SLC2A9: variants seen among roughly 807,000 people sequenced by gnomAD.
SLC2A9 encodes solute carrier family 2, facilitated glucose transporter member 9.
In SLC2A9, 39 loss-of-function variants were observed where a neutral mutation model predicts 50.6. The observed-to-expected ratio is 0.77, with a 90% confidence interval of 0.60 to 1.01. SLC2A9 has a LOEUF of 1.01. SLC2A9 is among the 50% of genes least tolerant of loss of function. The pLI is 0.00. For missense variants in SLC2A9, 686 were observed against 677.6 expected, an observed-to-expected ratio of 1.01 and a Z score of -0.14; for synonymous variants, 324 against 276.9, an observed-to-expected ratio of 1.17 and a Z score of -1.69.
At chr4:10,017,647 A>G (rs1041979014) in intron 2 of SLC2A9, among the ~76,000 whole-genome samples, 3 of 152,240 alleles carry the variant, frequency 2.0e-5, no homozygotes, top group Admixed American at 6.5e-5. Context: ...GGCTTCCCCT[A>G]TGTTTTGTAC....
At chr4:9,829,126 G>C (rs1049633756) in intron 11 of SLC2A9, among the ~76,000 whole-genome samples, 1 of 152,110 alleles carries the variant, frequency 6.6e-6, no homozygotes, top group Non-Finnish European at 1.5e-5. Flanking sequence ...TGGCTCAGCC[G>C]AGCACAGTAG....
intron 3 of SLC2A9, among the ~76,000 whole-genome samples, chr4:9,799,453 T>C (rs1292641646): frequency 6.6e-6 from 1 of 152,130 alleles, no homozygotes; most frequent in Non-Finnish European, 1.5e-5. Flanking sequence ...TTCATCTTCA[T>C]CTCTTTTATA....
chr4:9,937,835 T>A (rs777979989), intron 6 of SLC2A9, among the ~76,000 whole-genome samples: 3 of 152,052 alleles, frequency 2.0e-5, no homozygotes, highest in Non-Finnish European at 2.9e-5. Context: ...GGTGCACAGG[T>A]GAGGGAGTAA....
chr4:9,902,154 GC>G (rs1437813297), intron 8 of SLC2A9, among the ~76,000 whole-genome samples: 1 of 151,986 alleles, frequency 6.6e-6, no homozygotes, highest in Non-Finnish European at 1.5e-5. Context: ...ATTTAAAATG[GC>G]AACTGCCCCC....
chr4:9,822,615 C>T (rs901408088), downstream of SLC2A9, among the ~76,000 whole-genome samples: 8 of 152,098 alleles, frequency 5.3e-5, no homozygotes, highest in African/African-American at 1.7e-4. Flanking sequence ...TATAGATGGG[C>T]CTTCAAAAAA....
intron 10 of SLC2A9, among the ~76,000 whole-genome samples, chr4:9,857,876 A>G (rs920118585): frequency 3.3e-5 from 5 of 152,152 alleles, no homozygotes; most frequent in Non-Finnish European, 4.4e-5. Flanking sequence ...AAGTCCTGCT[A>G]TCCCCTCCAC....
At chr4:9,807,271 G>T (rs1722249629) in intron 3 of SLC2A9, among the ~76,000 whole-genome samples, 1 of 152,148 alleles carries the variant, frequency 6.6e-6, no homozygotes, top group Non-Finnish European at 1.5e-5. Context: ...ACCATGCTGT[G>T]TCACATCTCC....
chr4:10,010,762 C>G (rs1229023454), intron 2 of SLC2A9, among the ~76,000 whole-genome samples: 1 of 152,198 alleles, frequency 6.6e-6, no homozygotes, highest in Non-Finnish European at 1.5e-5. Context: ...TTTGATTAGC[C>G]CTGAACTGTC....
intron 5 of SLC2A9, among the ~76,000 whole-genome samples, chr4:9,946,044 C>A (rs1463803413): frequency 2.6e-5 from 4 of 152,154 alleles, no homozygotes; most frequent in African/African-American, 7.2e-5. Flanking sequence ...CGCCACCAAA[C>A]GACAACCTCA....
At chr4:9,803,577 A>C (rs1353089075) in intron 3 of SLC2A9, among the ~76,000 whole-genome samples, 1 of 152,252 alleles carries the variant, frequency 6.6e-6, no homozygotes. Flanking sequence ...GTGGTCCACT[A>C]TCCACCAGGA....
chr4:9,939,152 T>A (rs150106140), intron 6 of SLC2A9, among the ~76,000 whole-genome samples: 3 of 152,280 alleles, frequency 2.0e-5, no homozygotes, highest in African/African-American at 7.2e-5. Flanking sequence ...ACCATGAGAA[T>A]GTGCCCTGCT....
intron 8 of SLC2A9, among the ~76,000 whole-genome samples, chr4:9,892,489 G>A (rs2109806913): frequency 6.6e-6 from 1 of 152,312 alleles, no homozygotes; most frequent in Middle Eastern, 3.4e-3. Flanking sequence ...GTGACATCCA[G>A]GGGCACAAAA....
Position 9,803,025 on chromosome 4 carries a change from G to T in SLC2A9, n.421-3784C>A, listed in dbSNP as rs1396440827. On this transcript the variant is annotated intron_variant and non_coding_transcript_variant, in intron 3 of 3. Transcript: ENST00000503280. ...CCCATTTTCTTGATAGATATATGGT[G>T]TCAGAGGAGATGAAACTTGCTTGGC... Among the ~76,000 whole-genome samples the T allele has an allele frequency of 2.0e-5, 3 of 152,232 alleles. No homozygotes were observed. In the East Asian group the frequency reaches 5.8e-4, roughly 29 times the overall value.
downstream of SLC2A9, among the ~76,000 whole-genome samples, chr4:9,775,584 T>C (rs1717443136): frequency 3.9e-5 from 6 of 152,040 alleles, no homozygotes; most frequent in Admixed American, 3.9e-4. Flanking sequence ...GTCTTCGAGA[T>C]AGTGAGTTCT....
intron 10 of SLC2A9, among the ~76,000 whole-genome samples, chr4:9,862,571 T>G (rs979711111): frequency 6.6e-6 from 1 of 152,160 alleles, no homozygotes; most frequent in South Asian, 2.1e-4. Context: ...TTATCCCCTA[T>G]GCTAACAACA....
At chr4:9,927,467 A>C (rs1023019725) in intron 6 of SLC2A9, among the ~76,000 whole-genome samples, 1 of 152,262 alleles carries the variant, frequency 6.6e-6, no homozygotes, top group Admixed American at 6.5e-5. Flanking sequence ...GGGATGAGAC[A>C]GGCAAAGGGA....
At chr4:9,780,004 G>A (rs1424761516) in exon 4 of SLC2A9, 1 of 152,484 alleles carries the variant, frequency 6.6e-6, no homozygotes, top group African/African-American at 2.4e-5. Context: ...TGGTGGCGGT[G>A]GTGGTGGCGG....
intron 11 of SLC2A9, among the ~76,000 whole-genome samples, chr4:9,827,340 C>T (rs1296914505): frequency 1.3e-5 from 2 of 152,168 alleles, no homozygotes; most frequent in Admixed American, 6.5e-5. Context: ...TTTGGTCTCC[C>T]AGGTACTGGG....
intron 6 of SLC2A9, among the ~76,000 whole-genome samples, chr4:9,936,315 A>G (rs371599244): frequency 6.6e-6 from 1 of 152,202 alleles, no homozygotes; most frequent in South Asian, 2.1e-4. Context: ...AAGCATTCAC[A>G]GGCAAGAAAA....
Sources: gnomAD v4.1 joint callset for allele counts (sites outside exome capture counted in the v4.1 genomes callset) on GRCh38, gnomAD v4.1.1 for gene constraint, MANE v1.5 for transcripts, NCBI Gene and HGNC (gene_info 2026-07-23, HGNC 2026-07-21) for gene names.